Variants in BICRAL observed in about 807,000 individuals in gnomAD.
BICRAL encodes the protein BRD4-interacting chromatin-remodeling complex-associated protein-like.
Under a neutral mutation model 91.8 loss-of-function variants are expected in BICRAL, and 8 were observed. The ratio of observed to expected loss-of-function variants is 0.09; its 90% CI spans 0.05 to 0.16. The LOEUF (loss-of-function observed/expected upper bound fraction) is 0.16, where lower values mean the gene tolerates loss of function less well. Ranked by LOEUF, BICRAL falls within the 10% of genes least tolerant of loss-of-function variation. The pLI is 1.00. For missense variants in BICRAL, 1,038 were observed against 1,310.9 expected (o/e 0.79, Z 3.21); for synonymous variants, 445 against 491.1 (o/e 0.91, Z 1.24).
intron 10 of BICRAL, among the ~76,000 whole-genome samples, chr6:42,858,965 C>G (rs1015589012): frequency 4.6e-5 from 7 of 152,116 alleles, no homozygotes; most frequent in African/African-American, 1.4e-4. Flanking sequence ...TTTTCTAATC[C>G]CTTCCTCAGC....
At position 42,865,589 on chromosome 6, in the gene BICRAL, T is replaced by C; in HGVS notation, c.*143T>C. The C allele has an allele frequency of 3.3e-6, 2 of 609,156 alleles. No individual in the cohort carries two copies. The highest frequency in any genetic ancestry group is 5.9e-6 in the Non-Finnish European group (2 of 338,036). 37.7% of individuals were successfully genotyped at this position (609,156 alleles called of 1,614,324 possible). The stretch of plus-strand genomic sequence containing the variant: ...TGATCTTTCATCACAGGTTATTCTT[T>C]CTAATCTCAATCCTGTTCTTTGTTT... On this transcript the variant is annotated 3_prime_UTR_variant, in exon 13 of 13. Transcript: ENST00000314073.
At chr6:42,845,248 T>TTTTTTA (rs761742281) in intron 6 of BICRAL, among the ~76,000 whole-genome samples, 4 of 105,456 alleles carry the variant, frequency 3.8e-5, no homozygotes, top group Non-Finnish European at 5.5e-5. Flanking sequence ...TTTTTTTTTT[T>TTTTTTA]AGACAGAGTT....
At chr6:42,807,022 G>A (rs1763726983) in intron 1 of BICRAL, among the ~76,000 whole-genome samples, 1 of 151,798 alleles carries the variant, frequency 6.6e-6, no homozygotes, top group African/African-American at 2.4e-5. Context: ...GTAGAGACAC[G>A]GTTTTGCCAT....
intron 1 of BICRAL, among the ~76,000 whole-genome samples, chr6:42,790,486 T>A (rs1046889886): frequency 1.3e-4 from 20 of 151,416 alleles, no homozygotes; most frequent in African/African-American, 4.6e-4. Flanking sequence ...GAGAAAATCA[T>A]TTTTTATTTA....
chr6:42,756,499 G>A (rs962154468), intron 1 of BICRAL, among the ~76,000 whole-genome samples: 1 of 152,054 alleles, frequency 6.6e-6, no homozygotes, highest in African/African-American at 2.4e-5. Flanking sequence ...CAGATCCCCA[G>A]CTCCTCCCTC....
At chr6:42,839,345 A>C (rs1283399858) in intron 6 of BICRAL, among the ~76,000 whole-genome samples, 2 of 151,952 alleles carry the variant, frequency 1.3e-5, no homozygotes, top group Non-Finnish European at 2.9e-5. Flanking sequence ...GGGTCTTGCT[A>C]TGTTACCCAG....
chr6:42,811,682 A>G (rs1218907727), intron 2 of BICRAL, among the ~76,000 whole-genome samples: 2 of 151,168 alleles, frequency 1.3e-5, no homozygotes, highest in Non-Finnish European at 2.9e-5. Context: ...GAGAGAGAGC[A>G]CTGCACTCCA....
Position 42,863,413 on chromosome 6 carries a change from C to T in BICRAL, c.2452+801C>T, listed in dbSNP as rs545504839. Reference sequence around the variant, plus strand: ...GTGCAGTTCAGTGCTCACTCACAGACGCAGCTCCTACATACCCATTGTCCT... The same window carrying T: ...GTGCAGTTCAGTGCTCACTCACAGATGCAGCTCCTACATACCCATTGTCCT... On this transcript the variant is annotated intron_variant, in intron 12 of 12. Coordinates refer to ENST00000314073, the MANE Select transcript of BICRAL (RefSeq NM_001393499.1). Among the ~76,000 whole-genome samples, 15 of 152,276 alleles carry T rather than the reference C, an allele frequency of 9.9e-5. 1 individual carries two copies. The highest frequency in any genetic ancestry group is 3.1e-4 in the African/African-American group (13 of 41,570).
At chr6:42,815,482 G>A (rs1000581314) in intron 2 of BICRAL, among the ~76,000 whole-genome samples, 11 of 151,822 alleles carry the variant, frequency 7.2e-5, no homozygotes, top group African/African-American at 2.4e-4. Flanking sequence ...GTGAGCCACC[G>A]TGCCCAGCCC....
Position 42,868,252 on chromosome 6 carries a change from GACTTT to G in BICRAL, c.*2811_*2815del, listed in dbSNP as rs1051304785. On this transcript the variant is annotated 3_prime_UTR_variant, in exon 13 of 13. Coordinates refer to ENST00000314073, the MANE Select transcript of BICRAL (RefSeq NM_001393499.1). ...TTAGATTAGGGAGGCCTTACAGACT[GACTTT>G]ACTTAAAGAGGACGCGTCACTCGCT... 6.6e-6 allele frequency: 1 copy of G among 152,490 alleles called. No homozygotes were observed. The highest frequency in any genetic ancestry group is 1.5e-5 in the Non-Finnish European group (1 of 68,018). 9.4% of individuals were successfully genotyped at this position (152,490 alleles called of 1,614,324 possible). A position where few individuals can be genotyped will look rare whatever the true frequency, so the allele number is the denominator to read the frequency against.
intron 3 of BICRAL, among the ~76,000 whole-genome samples, chr6:42,822,502 G>A (rs1022405270): frequency 3.3e-4 from 49 of 150,618 alleles, no homozygotes; most frequent in African/African-American, 1.2e-3. Flanking sequence ...TCCTGCCTCA[G>A]CCTCCCAAAG....
chr6:42,804,453 TAAGTG>T (rs1274088082), intron 1 of BICRAL, among the ~76,000 whole-genome samples: 1 of 152,188 alleles, frequency 6.6e-6, no homozygotes, highest in Non-Finnish European at 1.5e-5. Flanking sequence ...GGGATATGAA[TAAGTG>T]AATAATGAAT....
chr6:42,753,136 A>G (rs1762405919), intron 1 of BICRAL, among the ~76,000 whole-genome samples: 1 of 151,500 alleles, frequency 6.6e-6, no homozygotes, highest in South Asian at 2.1e-4. Flanking sequence ...CATGTTGGCC[A>G]GGCTGGTCTC....
At chr6:42,787,446 C>T (rs1280590213) in intron 1 of BICRAL, among the ~76,000 whole-genome samples, 2 of 151,928 alleles carry the variant, frequency 1.3e-5, no homozygotes, top group African/African-American at 4.8e-5. Flanking sequence ...TGTCATGGAA[C>T]TGATTGAGAT....
intron 1 of BICRAL, among the ~76,000 whole-genome samples, chr6:42,773,261 A>G (rs891894596): frequency 4.6e-5 from 7 of 151,494 alleles, no homozygotes; most frequent in African/African-American, 1.5e-4. Context: ...GTATTTTTGT[A>G]GAGACAAGGT....
chr6:42,805,756 C>T (rs1763686851), intron 1 of BICRAL, among the ~76,000 whole-genome samples: 1 of 152,028 alleles, frequency 6.6e-6, no homozygotes, highest in African/African-American at 2.4e-5. Flanking sequence ...AATCCCAGCA[C>T]TTTGGAAGGC....
chr6:42,849,099 C>T (rs188639854), intron 6 of BICRAL, among the ~76,000 whole-genome samples: 1 of 152,182 alleles, frequency 6.6e-6, no homozygotes, highest in African/African-American at 2.4e-5. Flanking sequence ...AAAAGGTGAC[C>T]ATGTCCACCT....
chr6:42,863,049 C>CT (rs34653827), intron 12 of BICRAL, among the ~76,000 whole-genome samples: 10,503 of 130,666 alleles, frequency 0.08, 681 homozygotes, highest in South Asian at 0.16. Flanking sequence ...ATGGACATTT[C>CT]TTTTTTTTTT....
chr6:42,839,987 T>A (rs923284463), intron 6 of BICRAL, among the ~76,000 whole-genome samples: 6 of 152,192 alleles, frequency 3.9e-5, no homozygotes, highest in Non-Finnish European at 8.8e-5. Context: ...TGTAAGTGGA[T>A]TAAAATTCAA....
Sources: gnomAD v4.1 joint callset for allele counts (sites outside exome capture counted in the v4.1 genomes callset) on GRCh38, gnomAD v4.1.1 for gene constraint, MANE v1.5 for transcripts, NCBI Gene and HGNC (gene_info 2026-07-23, HGNC 2026-07-21) for gene names.